COL27A1: variants seen among roughly 807,000 people sequenced by gnomAD.
COL27A1 encodes collagen type XXVII alpha 1 chain.
Under a neutral mutation model 251.3 loss-of-function variants are expected in COL27A1, and 106 were observed. That is an observed-to-expected ratio of 0.42 (90% CI 0.36 to 0.50). The LOEUF (loss-of-function observed/expected upper bound fraction) is 0.50. COL27A1 is among the 20% of genes least tolerant of loss of function. COL27A1 has a pLI of 0.00. For synonymous variants in COL27A1, 1,000 were observed against 986.3 expected (o/e 1.01, Z -0.26); for missense variants, 2,325 against 2,522.8 (o/e 0.92, Z 1.68).
chr9:114,209,082 C>A (rs1830172390), intron 10 of COL27A1, among the ~76,000 whole-genome samples: 1 of 152,216 alleles, frequency 6.6e-6, no homozygotes, highest in African/African-American at 2.4e-5. Context: ...GCTTTATCTA[C>A]AGAGCCTCAG....
At chr9:114,237,390 C>T (rs1390446041) in intron 18 of COL27A1, among the ~76,000 whole-genome samples, 1 of 152,214 alleles carries the variant, frequency 6.6e-6, no homozygotes, top group Non-Finnish European at 1.5e-5. Context: ...TTGAAGGCTG[C>T]CAACTACCCC....
At chr9:114,304,076 AC>A (rs2131676089) in intron 56 of COL27A1, among the ~76,000 whole-genome samples, 1 of 152,290 alleles carries the variant, frequency 6.6e-6, no homozygotes, top group African/African-American at 2.4e-5. Flanking sequence ...TACAAGTAGT[AC>A]CCCCTCCCCC....
At chr9:114,194,048 A>T (rs1319190426) in intron 5 of COL27A1, among the ~76,000 whole-genome samples, 1 of 152,182 alleles carries the variant, frequency 6.6e-6, no homozygotes, top group African/African-American at 2.4e-5. Context: ...AGTGTGGGAC[A>T]TGGCTGGGGC....
chr9:114,250,392 C>T (rs1050822737), intron 24 of COL27A1, among the ~76,000 whole-genome samples: 11 of 152,182 alleles, frequency 7.2e-5, no homozygotes, highest in South Asian at 4.1e-4. Flanking sequence ...ATGTTGGCAG[C>T]GGCCCCGCTG....
chr9:114,237,621 G>T (rs201113491), intron 18 of COL27A1, 41 bp from the exon 19 acceptor site: 11 of 1,560,114 alleles, frequency 7.1e-6, no homozygotes, highest in South Asian at 1.1e-5. Context: ...GGAAGGTGGG[G>T]TCCTCACCCC....
intron 51 of COL27A1, 96 bp from the exon 52 acceptor site, chr9:114,300,976 C>A: frequency 8.2e-7 from 1 of 1,226,708 alleles, no homozygotes; most frequent in Non-Finnish European, 1.2e-6. Flanking sequence ...CTCCCTTCTA[C>A]TCCCTTGCGA....
chr9:114,170,605 T>C (rs983641212), intron 3 of COL27A1, among the ~76,000 whole-genome samples: 4 of 152,238 alleles, frequency 2.6e-5, no homozygotes, highest in Non-Finnish European at 4.4e-5. Context: ...AGGAATAATA[T>C]TTATCCAGCC....
At chr9:114,229,123 T>A (rs1272728903) in intron 14 of COL27A1, among the ~76,000 whole-genome samples, 3 of 152,202 alleles carry the variant, frequency 2.0e-5, no homozygotes, top group Non-Finnish European at 4.4e-5. Flanking sequence ...GGCGCCACGC[T>A]GGGCCTGAAA....
intron 16 of COL27A1, among the ~76,000 whole-genome samples, chr9:114,233,303 A>G (rs1832095145): frequency 6.6e-6 from 1 of 152,190 alleles, no homozygotes; most frequent in Admixed American, 6.5e-5. Context: ...GAAAATGGAC[A>G]TCTCCAGATT....
At chr9:114,261,577 G>A (rs1317394125) in intron 28 of COL27A1, among the ~76,000 whole-genome samples, 2 of 152,194 alleles carry the variant, frequency 1.3e-5, no homozygotes, top group East Asian at 1.9e-4. Context: ...AGCTTCTCCC[G>A]GGTTCTCTGG....
chr9:114,298,817 A>G (rs750445031), intron 49 of COL27A1, among the ~76,000 whole-genome samples: 3 of 152,250 alleles, frequency 2.0e-5, no homozygotes, highest in Non-Finnish European at 4.4e-5. Flanking sequence ...TTGTGCTTCC[A>G]AAGGCACCAT....
intron 29 of COL27A1, among the ~76,000 whole-genome samples, chr9:114,264,681 T>C (rs1369464976): frequency 2.6e-5 from 4 of 151,986 alleles, no homozygotes; most frequent in Non-Finnish European, 4.4e-5. Context: ...CCCTGACAGC[T>C]GAGACTGCTT....
rs1037851776 is a variant in COL27A1, at chr9:114,227,801, T to C, written c.2467-3278T>C. On this transcript the variant is annotated intron_variant, in intron 14 of 60. Transcript: ENST00000356083. ...TCCAAATTAAGGGACTTACTCATTA[T>C]TCTTTTTCATGGGGACATGACATTC... Among the ~76,000 whole-genome samples, 10 of 152,320 alleles carry C rather than the reference T, an allele frequency of 6.6e-5. No individual in the cohort carries two copies. The East Asian group carries it at 7.7e-4, about 12-fold the overall frequency.
At chr9:114,253,131 G>C (rs115981890) in intron 27 of COL27A1, among the ~76,000 whole-genome samples, 199 bp downstream of exon 27, 1 of 152,148 alleles carries the variant, frequency 6.6e-6, no homozygotes, top group Non-Finnish European at 1.5e-5. Flanking sequence ...GTGGTGACAC[G>C]CACTTGTAAT....
At chr9:114,288,874 C>A (rs1827702568) in intron 43 of COL27A1, 40 bp from the exon 44 acceptor site, 1 of 1,611,940 alleles carries the variant, frequency 6.2e-7, no homozygotes, top group African/African-American at 1.3e-5. Flanking sequence ...CAGCCCTCTG[C>A]AGGATGGGCC....
At chr9:114,288,881 G>A in intron 43 of COL27A1, 33 bp from the exon 44 acceptor site, 2 of 1,613,236 alleles carry the variant, frequency 1.2e-6, no homozygotes, top group Non-Finnish European at 1.7e-6. Flanking sequence ...CTGCAGGATG[G>A]GCCCCCCTCA....
chr9:114,271,756 T>A (rs1564553423), intron 36 of COL27A1: 1 of 152,218 alleles, frequency 6.6e-6, no homozygotes, highest in Non-Finnish European at 1.5e-5. Context: ...CCAGCCCAGG[T>A]TCCTAAGGGC....
rs1284357320 is a variant in COL27A1, at chr9:114,250,625, G to A, written c.2990G>A (p.Gly997Glu). 6.2e-7 allele frequency: 1 copy of A among 1,612,094 alleles called. No individual in the cohort carries two copies. The highest frequency in any genetic ancestry group is 1.7e-5 in the Admixed American group (1 of 59,978). Residue 997 changes from glycine (G) to glutamate (E), a missense_variant, in exon 25 of 61, where the codon GGA (glycine) becomes GAA (glutamate). Around this residue, in one of 4 missense-constraint regions of COL27A1, gnomAD observed 662 missense variants for 795.3 expected, o/e 0.83. Transcript: ENST00000356083. ...PGPVGEQGFM[G>E]FIGLVGEPGI... ...GAATGTGTCTCATAGGGATTTATGG[G>A]ATTCATTGGTCTGGTCGGGGAGCCA...
chr9:114,200,781 T>G (rs570398444), intron 7 of COL27A1, among the ~76,000 whole-genome samples: 17 of 152,320 alleles, frequency 1.1e-4, no homozygotes, highest in Admixed American at 2.0e-4. Flanking sequence ...CTTTGATTCT[T>G]TCTGTCCTGC....
Sources: gnomAD v4.1 joint callset for allele counts (sites outside exome capture counted in the v4.1 genomes callset) on GRCh38, gnomAD v4.1.1 for gene constraint, gnomAD v4.1.1 regional missense constraint, MANE v1.5 for transcripts, NCBI Gene and HGNC (gene_info 2026-07-23, HGNC 2026-07-21) for gene names.